The following NRG3 variants were observed in gnomAD, a reference collection of about 807,000 sequenced individuals.
The protein encoded by NRG3 is pro-neuregulin-3, membrane-bound isoform.
Under a neutral mutation model 66.9 loss-of-function variants are expected in NRG3, and 31 were observed. The observed-to-expected ratio is 0.46, with a 90% CI of 0.35 to 0.63. The LOEUF is 0.63. NRG3 is among the 20% of genes least tolerant of loss of function. The pLI is 0.00. For synonymous variants in NRG3, 393 were observed against 359.4 expected, an observed-to-expected ratio of 1.09 and a Z score of -1.06; for missense variants, 910 against 878.9, an observed-to-expected ratio of 1.04 and a Z score of -0.45.
rs141538559 is a variant in NRG3, at chr10:82,744,430, G to A, written c.1027+5780G>A. ...ATTCTCTGTTTCCTTACATTGGAAG[G>A]CATGACACAACTCTCTGCGCCTCTT... On this transcript the variant is annotated intron_variant, in intron 3 of 8. Transcript: ENST00000372141. Among the ~76,000 whole-genome samples, 31 of 152,256 alleles carry A rather than the reference G, an allele frequency of 2.0e-4. 2 individuals carry two copies. The East Asian group carries it at 5.8e-3, about 28-fold the overall frequency.
At chr10:82,358,947 A>G in intron 2 of NRG3, 79 bp downstream of exon 2, 4 of 1,590,102 alleles carry the variant, frequency 2.5e-6, no homozygotes, top group Middle Eastern at 2.0e-4. Flanking sequence ...AGCATCTGGT[A>G]TGTGTCATAT....
chr10:82,131,392 A>T (rs1419468379), intron 1 of NRG3, among the ~76,000 whole-genome samples: 1 of 151,962 alleles, frequency 6.6e-6, no homozygotes, highest in Non-Finnish European at 1.5e-5. Context: ...CTGTTCCATT[A>T]GTCTATATGT....
intron 1 of NRG3, among the ~76,000 whole-genome samples, chr10:82,128,513 T>G (rs546536942): frequency 1.8e-4 from 28 of 152,168 alleles, no homozygotes; most frequent in Non-Finnish European, 2.9e-4. Context: ...TAGATTATGA[T>G]AAGGAAATGC....
At chr10:82,429,340 C>G (rs930811236) in intron 2 of NRG3, among the ~76,000 whole-genome samples, 2 of 151,794 alleles carry the variant, frequency 1.3e-5, no homozygotes, top group Non-Finnish European at 2.9e-5. Context: ...TCCAGTATTC[C>G]CCCTTTTTAT....
At chr10:82,110,353 C>T (rs2067313534) in intron 1 of NRG3, among the ~76,000 whole-genome samples, 1 of 151,980 alleles carries the variant, frequency 6.6e-6, no homozygotes, top group African/African-American at 2.4e-5. Flanking sequence ...TAACAGGAGA[C>T]CAGATTGTAT....
chr10:82,698,112 C>T (rs2055542427), intron 2 of NRG3, among the ~76,000 whole-genome samples: 1 of 152,144 alleles, frequency 6.6e-6, no homozygotes, highest in South Asian at 2.1e-4. Flanking sequence ...TTTCTCACTT[C>T]CTACCTATGG....
At chr10:82,802,631 A>C (rs2135445234) in intron 3 of NRG3, among the ~76,000 whole-genome samples, 1 of 152,084 alleles carries the variant, frequency 6.6e-6, no homozygotes. Context: ...GAGTAGTACT[A>C]TTTACCAGGC....
At chr10:82,291,541 A>G (rs2079748675) in intron 1 of NRG3, among the ~76,000 whole-genome samples, 1 of 152,206 alleles carries the variant, frequency 6.6e-6, no homozygotes, top group South Asian at 2.1e-4. Context: ...AAGTGGGAAG[A>G]ATTACTTTGC....
At chr10:82,529,821 A>G in intron 2 of NRG3, among the ~76,000 whole-genome samples, 1 of 152,302 alleles carries the variant, frequency 6.6e-6, no homozygotes, top group South Asian at 2.1e-4. Context: ...CTGAAGTGTG[A>G]CTATCAAATA....
chr10:82,966,845 T>C (rs767882516), intron 6 of NRG3, among the ~76,000 whole-genome samples: 18 of 152,200 alleles, frequency 1.2e-4, no homozygotes, highest in Non-Finnish European at 2.5e-4. Context: ...CAGTTTTTTC[T>C]GGCTTTGGCC....
chr10:82,332,779 T>C (rs539148728), intron 1 of NRG3, among the ~76,000 whole-genome samples: 37 of 152,178 alleles, frequency 2.4e-4, no homozygotes, highest in Non-Finnish European at 5.1e-4. Context: ...TCTCAAATGC[T>C]TGGGAAGACA....
intron 1 of NRG3, among the ~76,000 whole-genome samples, chr10:82,066,982 C>T (rs997086295): frequency 1.3e-5 from 2 of 150,518 alleles, no homozygotes; most frequent in African/African-American, 2.5e-5. Context: ...CCCAAGAATG[C>T]CCTTCTACTT....
intron 1 of NRG3, among the ~76,000 whole-genome samples, chr10:82,231,443 A>T (rs2133888045): frequency 6.6e-6 from 1 of 152,276 alleles, no homozygotes; most frequent in Non-Finnish European, 1.5e-5. Flanking sequence ...ATTAATAGTA[A>T]CACAAACAGG....
At chr10:82,786,232 C>CT (rs1411905737) in intron 3 of NRG3, among the ~76,000 whole-genome samples, 12 of 152,190 alleles carry the variant, frequency 7.9e-5, no homozygotes, top group Non-Finnish European at 1.3e-4. Flanking sequence ...CCATAAGACT[C>CT]TAACCCATTA....
chr10:82,325,022 G>A (rs117028133), intron 1 of NRG3, among the ~76,000 whole-genome samples: 2,009 of 152,226 alleles, frequency 0.013, 18 homozygotes, highest in Middle Eastern at 0.062. Flanking sequence ...AGATTATAAT[G>A]GTGGATTTGT....
chr10:82,408,129 A>AAGAAAGAAAGAAAGAAAGAAAG (rs1564888442), intron 2 of NRG3, among the ~76,000 whole-genome samples: 3 of 128,900 alleles, frequency 2.3e-5, no homozygotes, highest in African/African-American at 9.9e-5. Flanking sequence ...GAAAGAAAGA[A>AAGAAAGAAAGAAAGAAAGAAAG]AGAAAGAAAG....
chr10:82,400,355 G>T (rs2087000292), intron 2 of NRG3, among the ~76,000 whole-genome samples: 1 of 152,022 alleles, frequency 6.6e-6, no homozygotes, highest in Admixed American at 6.6e-5. Flanking sequence ...AATATGAATG[G>T]TTCCTAAGAA....
At chr10:82,657,108 C>T (rs546589155) in intron 2 of NRG3, among the ~76,000 whole-genome samples, 15 of 152,174 alleles carry the variant, frequency 9.9e-5, no homozygotes, top group Non-Finnish European at 1.5e-4. Context: ...CTTAGAAAAG[C>T]CTTTGATGCC....
intron 1 of NRG3, among the ~76,000 whole-genome samples, chr10:82,191,215 G>C (rs11595793): frequency 0.47 from 71,583 of 151,910 alleles, 18,357 homozygotes; most frequent in Middle Eastern, 0.66. Context: ...GAGTAACAAT[G>C]CACAACATCT....
Sources: allele counts gnomAD v4.1 joint callset (sites outside exome capture counted in the v4.1 genomes callset), GRCh38; gene constraint gnomAD v4.1.1; transcripts MANE v1.5; gene names NCBI Gene and HGNC (gene_info 2026-07-23, HGNC 2026-07-21).